GPBP1: variants seen among roughly 807,000 people sequenced by gnomAD.
GPBP1 encodes vasculin.
In GPBP1, 13 loss-of-function variants were observed where a neutral mutation model predicts 56.5. The observed-to-expected ratio is 0.23, with a 90% CI of 0.15 to 0.37. GPBP1 has a LOEUF of 0.37. GPBP1 is among the 10% of genes least tolerant of loss of function. The pLI, the probability that GPBP1 is intolerant of heterozygous loss-of-function variation, is 1.00. For missense variants in GPBP1, 477 were observed against 572.3 expected (o/e 0.83, Z 1.70); for synonymous variants, 204 against 188.9 (o/e 1.08, Z -0.66).
At chr5:57,234,607 G>A (rs1414512954) in intron 5 of GPBP1, among the ~76,000 whole-genome samples, 3 of 152,144 alleles carry the variant, frequency 2.0e-5, no homozygotes, top group Non-Finnish European at 4.4e-5. Flanking sequence ...AATTATTGGG[G>A]CCAGTCTAAT....
At chr5:57,213,081 C>G (rs1580012792) in intron 2 of GPBP1, among the ~76,000 whole-genome samples, 1 of 148,498 alleles carries the variant, frequency 6.7e-6, no homozygotes, top group Non-Finnish European at 1.5e-5. Flanking sequence ...TCAGAGGGAG[C>G]CTTGCTCTTT....
rs1225831004 is a variant in GPBP1 at position 57,175,665 on chromosome 5, T to G, written c.-793T>G. ...CCCAGGCAGCATTTCTTCAGTATTT[T>G]GGTTCAAACGGATTATATAACTGGT... On this transcript the variant is annotated 5_prime_UTR_variant, in exon 2 of 12. Coordinates refer to ENST00000506184, the MANE Select transcript of GPBP1 (RefSeq NM_022913.4). 3.3e-5 allele frequency: 13 copies of G among 396,534 alleles called. No homozygotes were observed. The highest frequency in any genetic ancestry group is 4.9e-5 in the Non-Finnish European group (11 of 225,352). The allele number at this position is 396,534 out of a possible 1,614,324, so 24.6% of individuals were successfully genotyped here.
At chr5:57,215,222 C>T (rs1436737751) in intron 3 of GPBP1, among the ~76,000 whole-genome samples, 3 of 152,152 alleles carry the variant, frequency 2.0e-5, no homozygotes, top group South Asian at 4.1e-4. Flanking sequence ...TTCATAATTC[C>T]ATGAATGTGG....
intron 3 of GPBP1, among the ~76,000 whole-genome samples, chr5:57,226,435 A>C (rs1485130036): frequency 1.3e-5 from 2 of 152,312 alleles, no homozygotes; most frequent in South Asian, 2.1e-4. Flanking sequence ...CAGGAAGATT[A>C]ATATGAGTTA....
chr5:57,220,475 T>C (rs1336003575), intron 3 of GPBP1, among the ~76,000 whole-genome samples: 1 of 151,938 alleles, frequency 6.6e-6, no homozygotes. Flanking sequence ...TTTTTTTTTT[T>C]TTGAGATGGA....
chr5:57,206,544 A>C (rs1755241947), intron 2 of GPBP1, among the ~76,000 whole-genome samples: 1 of 152,044 alleles, frequency 6.6e-6, no homozygotes, highest in African/African-American at 2.4e-5. Context: ...GATTACAGGC[A>C]CCTACAACGA....
intron 8 of GPBP1, among the ~76,000 whole-genome samples, chr5:57,248,466 C>T (rs992272374): frequency 9.3e-5 from 13 of 139,890 alleles, no homozygotes; most frequent in East Asian, 2.0e-4. Flanking sequence ...CTCGCTCTGT[C>T]GCCCAGGCTG....
At chr5:57,179,371 CA>C (rs35955406) in intron 2 of GPBP1, among the ~76,000 whole-genome samples, 54,278 of 151,862 alleles carry the variant, frequency 0.36, 10,423 homozygotes, top group Non-Finnish European at 0.43. Flanking sequence ...GTGTTTGAGA[CA>C]GGGTCTCGCT....
intron 8 of GPBP1, chr5:57,249,129 T>C (rs894000254): frequency 4.6e-5 from 12 of 259,932 alleles, no homozygotes; most frequent in Non-Finnish European, 8.1e-5. Context: ...TAGAAAAGTT[T>C]AAACAATTCT....
At chr5:57,206,010 C>T (rs1027932696) in intron 2 of GPBP1, among the ~76,000 whole-genome samples, 1 of 152,184 alleles carries the variant, frequency 6.6e-6, no homozygotes, top group Admixed American at 6.5e-5. Flanking sequence ...AAGTGATCCT[C>T]CTGCCTTGGC....
At chr5:57,230,580 C>T in intron 3 of GPBP1, 1 of 391,304 alleles carries the variant, frequency 2.6e-6, no homozygotes, top group Non-Finnish European at 4.6e-6. Flanking sequence ...ACTTGTTTTC[C>T]ATACAGTGGC....
chr5:57,185,083 A>AGGAACACTTGT (rs1470658847), intron 2 of GPBP1, among the ~76,000 whole-genome samples: 1 of 152,182 alleles, frequency 6.6e-6, no homozygotes, highest in Non-Finnish European at 1.5e-5. Context: ...TAAAGTGAAT[A>AGGAACACTTGT]GGAACACTTG....
intron 2 of GPBP1, among the ~76,000 whole-genome samples, chr5:57,212,196 G>T (rs1351360371): frequency 6.6e-6 from 1 of 152,024 alleles, no homozygotes; most frequent in Non-Finnish European, 1.5e-5. Flanking sequence ...CCAAAGTGTT[G>T]GGATTATACA....
intron 10 of GPBP1, among the ~76,000 whole-genome samples, chr5:57,257,095 G>A (rs1741699113): frequency 6.6e-6 from 1 of 151,472 alleles, no homozygotes; most frequent in South Asian, 2.1e-4. Context: ...GTACCGTGGT[G>A]TGACCTCTGC....
At chr5:57,248,900 C>G (rs966995242) in intron 8 of GPBP1, 47 of 152,320 alleles carry the variant, frequency 3.1e-4, no homozygotes, top group Admixed American at 3.0e-3. Flanking sequence ...TTTTAACATT[C>G]TGTTTTGTGT....
intron 3 of GPBP1, among the ~76,000 whole-genome samples, chr5:57,226,544 G>A (rs896505915): frequency 2.8e-5 from 4 of 142,088 alleles, no homozygotes; most frequent in African/African-American, 8.0e-5. Context: ...TGGGCTCTGA[G>A]CATTTTTGCT....
At chr5:57,203,295 A>G (rs1348384927) in intron 2 of GPBP1, among the ~76,000 whole-genome samples, 1 of 152,180 alleles carries the variant, frequency 6.6e-6, no homozygotes, top group Non-Finnish European at 1.5e-5. Flanking sequence ...CAAATAGAGT[A>G]ATTTTTGTAA....
Position 57,188,573 on chromosome 5 carries a change from T to TA in GPBP1, c.-58+12185dup, listed in dbSNP as rs370263834. Among the ~76,000 whole-genome samples, 299 of 145,142 alleles carry TA rather than the reference T, an allele frequency of 2.1e-3. 1 individual carries two copies. The highest frequency in any genetic ancestry group is 3.8e-3 in the African/African-American group (152 of 39,824). On this transcript the variant is annotated intron_variant, in intron 2 of 11. Transcript: ENST00000506184. The stretch of plus-strand genomic sequence containing the variant: ...AGCATGGTGAAATCCTGTCTCTACT[T>TA]AAAAAAAAAAAATGCAGAAATTAGC...
At chr5:57,246,690 A>C (rs1305866681) in intron 7 of GPBP1, among the ~76,000 whole-genome samples, 1 of 151,986 alleles carries the variant, frequency 6.6e-6, no homozygotes, top group African/African-American at 2.4e-5. Context: ...TAGCAGTAGT[A>C]AGTGAAACTT....
Sources: allele counts gnomAD v4.1 joint callset (sites outside exome capture counted in the v4.1 genomes callset), GRCh38; gene constraint gnomAD v4.1.1; transcripts MANE v1.5; gene names NCBI Gene and HGNC (gene_info 2026-07-23, HGNC 2026-07-21).